Variants in USP54 observed in about 807,000 individuals in gnomAD.
The protein encoded by USP54 is ubiquitin carboxyl-terminal hydrolase 54.
A neutral mutation model predicts 170.5 loss-of-function variants in USP54; 87 were observed. The observed-to-expected ratio is 0.51, with a 90% CI of 0.43 to 0.61. The LOEUF (loss-of-function observed/expected upper bound fraction) is 0.61. Among genes scored for constraint, USP54 ranks in the 20% least tolerant of loss-of-function variants. The probability of loss-of-function intolerance (pLI) is 0.00; values close to 1 mark genes in which losing one functional copy is unlikely to be tolerated. For missense variants in USP54, 1,786 were observed against 2,047.8 expected (o/e 0.87, Z 2.47); for synonymous variants, 655 against 742.8 (o/e 0.88, Z 1.92).
intron 1 of USP54, among the ~76,000 whole-genome samples, chr10:73,579,034 C>T (rs1180783555): frequency 1.3e-5 from 2 of 151,134 alleles, no homozygotes; most frequent in African/African-American, 2.4e-5. Flanking sequence ...TCCACCTCCC[C>T]GGTTCAAGTG....
intron 5 of USP54, among the ~76,000 whole-genome samples, chr10:73,545,041 T>A (rs1220949649): frequency 6.6e-6 from 1 of 151,710 alleles, no homozygotes; most frequent in African/African-American, 2.4e-5. Context: ...TTACAGAGAG[T>A]CTTTCGAAGG....
rs756019673 is a variant in USP54 at position 73,504,849 on chromosome 10, C to G, written c.4311+1G>C. On this transcript the variant is annotated splice_donor_variant, in intron 22 of 23. Transcript: ENST00000687698. LOFTEE classifies it high-confidence loss of function. The stretch of plus-strand genomic sequence containing the variant: ...AATAGATGGACCCTGATTCTACTTA[C>G]AAAACTGTGGGAAGAAACCGGAGCT... 1 of 1,614,160 alleles carries G rather than the reference C, an allele frequency of 6.2e-7. No individual in the cohort carries two copies. Among genetic ancestry groups the G allele is most frequent in the Admixed American group, 1.7e-5 (1 of 60,008 alleles).
chr10:73,518,085 C>T (rs2061335194), intron 19 of USP54: 2 of 780,250 alleles, frequency 2.6e-6, no homozygotes, highest in African/African-American at 1.9e-5. Context: ...GAAACAAAAT[C>T]AGCTAGTCTC....
Position 73,571,332 on chromosome 10 carries a change from T to A in USP54, c.240+89A>T, listed in dbSNP as rs372043814. On this transcript the variant is annotated intron_variant, in intron 4 of 23. Transcript: ENST00000687698. Reference sequence around the variant, plus strand: ...GGTAGATAATTCAGTAACAAATTCTTTGGCATCATCCTGATTAACCAAACC... The same window carrying A: ...GGTAGATAATTCAGTAACAAATTCTATGGCATCATCCTGATTAACCAAACC... The A allele has an allele frequency of 5.7e-4, 602 of 1,063,192 alleles. 3 individuals carry two copies. In the South Asian group the frequency reaches 7.4e-3, roughly 13 times the overall value. The allele number at this position is 1,063,192 out of a possible 1,614,324, so 65.9% of individuals were successfully genotyped here.
chr10:73,570,921 T>G (rs1413821085), intron 4 of USP54, among the ~76,000 whole-genome samples: 1 of 152,006 alleles, frequency 6.6e-6, no homozygotes, highest in Non-Finnish European at 1.5e-5. Context: ...GCAGATCACC[T>G]GAAGTCAGGA....
At chr10:73,576,864 C>T (rs143350177) in intron 1 of USP54, among the ~76,000 whole-genome samples, 4 of 152,312 alleles carry the variant, frequency 2.6e-5, no homozygotes, top group African/African-American at 9.6e-5. Context: ...ACACTGATGG[C>T]GAGTAAACCA....
intron 4 of USP54, among the ~76,000 whole-genome samples, chr10:73,554,544 G>A (rs1324321687): frequency 6.6e-6 from 1 of 152,058 alleles, no homozygotes; most frequent in Non-Finnish European, 1.5e-5. Flanking sequence ...CTTTTAAGAG[G>A]GGAAAAACAT....
chr10:73,535,460 C>G (rs2065031947), intron 11 of USP54, among the ~76,000 whole-genome samples: 1 of 151,998 alleles, frequency 6.6e-6, no homozygotes, highest in African/African-American at 2.4e-5. Flanking sequence ...AGTATCTTCT[C>G]TTTCAAAATT....
intron 1 of USP54, among the ~76,000 whole-genome samples, chr10:73,580,950 C>CAG: frequency 6.6e-6 from 1 of 152,298 alleles, no homozygotes; most frequent in South Asian, 2.1e-4. Context: ...ATCGTATAGT[C>CAG]TAGGTGTGTA....
intron 12 of USP54, among the ~76,000 whole-genome samples, chr10:73,532,232 G>A (rs1402783863): frequency 6.6e-6 from 1 of 152,044 alleles, no homozygotes; most frequent in Non-Finnish European, 1.5e-5. Context: ...GAGTGCAGTG[G>A]TGCGATCTCA....
intron 15 of USP54, among the ~76,000 whole-genome samples, chr10:73,528,526 G>T (rs1366923467): frequency 6.6e-6 from 1 of 151,940 alleles, no homozygotes; most frequent in African/African-American, 2.4e-5. Context: ...AAAGTGCTGG[G>T]ATTACAAGCG....
intron 1 of USP54, among the ~76,000 whole-genome samples, chr10:73,621,599 C>CAAAA (rs11380656): frequency 1.6e-5 from 1 of 61,158 alleles, no homozygotes; most frequent in Admixed American, 1.9e-4. Context: ...CACTCCGTCT[C>CAAAA]AAAAAAAAAA....
Position 73,517,121 on chromosome 10 carries a change from AGGCTTT to A in USP54, c.3299_3304del (p.Gln1100_Ser1101del). The A allele has an allele frequency of 6.2e-7, 1 of 1,614,232 alleles. No individual in the cohort carries two copies. The highest frequency in any genetic ancestry group is 8.5e-7 in the Non-Finnish European group (1 of 1,180,044). On this transcript the variant is annotated inframe_deletion, in exon 20 of 24. Transcript: ENST00000687698. ...CACTTTTAAAGTCAATGAAGTTTTG[AGGCTTT>A]GGCCTTGGAGGCATTGGTTAGTTTT... is the stretch of plus-strand genomic sequence containing the variant.
chr10:73,557,828 T>C (rs1220707766), intron 4 of USP54, among the ~76,000 whole-genome samples: 1 of 151,334 alleles, frequency 6.6e-6, no homozygotes, highest in Admixed American at 6.6e-5. Flanking sequence ...ATGGGTTCAG[T>C]GACTAACCAC....
chr10:73,505,378 C>G lies in USP54; in HGVS notation c.4100G>C (p.Gly1367Ala). 1 of 1,614,074 alleles carries G rather than the reference C, an allele frequency of 6.2e-7. No individual in the cohort carries two copies. The highest frequency in any genetic ancestry group is 8.5e-7 in the Non-Finnish European group (1 of 1,180,018). Residue 1367 changes from glycine to alanine, a missense_variant, in exon 21 of 24, where the codon GGT becomes GCT. Transcript: ENST00000687698. ...GRRLHSAHDPGLSKTSTAEME... is the reference protein window; with the variant it reads ...GRRLHSAHDPALSKTSTAEME... ...TTCTGCTGTTGAAGTCTTTGAGAGA[C>G]CAGGATCATGGGCTGAGTGCAACCT... is the stretch of plus-strand genomic sequence containing the variant.
Position 73,504,989 on chromosome 10 carries a change from GC to G in USP54, c.4171del (p.Ala1391LeufsTer52). ...HEARTVRTSQATPCRGLSREC... is the reference protein window; with the variant it reads ...HEARTVRTSQXTPCRGLSREC... ...CCTGCTGAGGCCTCGGCAAGGTGTA[GC>G]CTTCAAACACACAGACACATACAGG... is the stretch of plus-strand genomic sequence containing the variant. On this transcript the variant is annotated frameshift_variant and splice_region_variant, in exon 22 of 24. Transcript: ENST00000687698. LOFTEE classifies it high-confidence loss of function. The G allele has an allele frequency of 6.2e-7, 1 of 1,614,168 alleles. No homozygotes were observed. The highest frequency in any genetic ancestry group is 1.1e-5 in the South Asian group (1 of 91,080).
At chr10:73,571,241 C>A (rs2075145472) in intron 4 of USP54, among the ~76,000 whole-genome samples, 180 bp downstream of exon 4, 1 of 151,568 alleles carries the variant, frequency 6.6e-6, no homozygotes, top group African/African-American at 2.4e-5. Context: ...AAAGAGACTA[C>A]CCAAGCCAAG....
At chr10:73,616,674 A>G (rs2080670148) in intron 1 of USP54, among the ~76,000 whole-genome samples, 1 of 150,032 alleles carries the variant, frequency 6.7e-6, no homozygotes, top group African/African-American at 2.5e-5. Flanking sequence ...AAAATACAAA[A>G]ATTATCTGGG....
intron 4 of USP54, among the ~76,000 whole-genome samples, chr10:73,567,910 A>G (rs558707626): frequency 7.9e-5 from 12 of 152,116 alleles, no homozygotes; most frequent in Non-Finnish European, 1.6e-4. Flanking sequence ...CAATAAAAGT[A>G]TTTTTATTTT....
Sources: allele counts gnomAD v4.1 joint callset (sites outside exome capture counted in the v4.1 genomes callset), GRCh38; gene constraint gnomAD v4.1.1; transcripts MANE v1.5; gene names NCBI Gene and HGNC (gene_info 2026-07-23, HGNC 2026-07-21).